The following FLACC1 variants were observed in gnomAD, a reference collection of about 807,000 sequenced individuals.
The protein encoded by FLACC1 is flagellum-associated coiled-coil domain-containing protein 1.
A neutral mutation model predicts 62.8 loss-of-function variants in FLACC1; 66 were observed. That is an observed-to-expected ratio of 1.05 (90% CI 0.86 to 1.29). The LOEUF is 1.29. FLACC1 is among the 50% of genes most tolerant of loss of function. FLACC1 has a pLI of 0.00. For synonymous variants in FLACC1, 156 were observed against 161.0 expected (o/e 0.97, Z 0.24); for missense variants, 452 against 489.1 (o/e 0.92, Z 0.71).
chr2:201,358,561 C>T (rs980146758), upstream of FLACC1, among the ~76,000 whole-genome samples: 5 of 150,740 alleles, frequency 3.3e-5, no homozygotes, highest in Non-Finnish European at 4.5e-5. Context: ...GGACTACAGG[C>T]GCCCGCCACT....
chr2:201,307,836 T>C (rs1049532507), intron 10 of FLACC1, among the ~76,000 whole-genome samples: 1 of 152,262 alleles, frequency 6.6e-6, no homozygotes, highest in African/African-American at 2.4e-5. Context: ...ATATGGGATT[T>C]ACCACCAACA....
intron 12 of FLACC1, among the ~76,000 whole-genome samples, chr2:201,298,090 G>A (rs1016013069): frequency 6.6e-6 from 1 of 152,130 alleles, no homozygotes; most frequent in Admixed American, 6.5e-5. Flanking sequence ...ACATCAGCAA[G>A]GAGCAGGTGG....
chr2:201,290,597 C>A (rs538528936), intron 12 of FLACC1, among the ~76,000 whole-genome samples: 1 of 152,150 alleles, frequency 6.6e-6, no homozygotes, highest in African/African-American at 2.4e-5. Context: ...CAGCTCCCAG[C>A]GTGAGCGATG....
intron 12 of FLACC1, among the ~76,000 whole-genome samples, chr2:201,291,164 G>A (rs1241341939): frequency 6.6e-6 from 1 of 152,226 alleles, no homozygotes; most frequent in Non-Finnish European, 1.5e-5. Flanking sequence ...CTGTCTGACA[G>A]CTTGAAGAGA....
the FLACC1 span, among the ~76,000 whole-genome samples, chr2:201,364,278 GA>G: frequency 6.6e-6 from 1 of 151,048 alleles, no homozygotes; most frequent in African/African-American, 2.4e-5. Flanking sequence ...GAAAGGGAAA[GA>G]AAAAAAACCC....
rs1268247242 is a variant in FLACC1 at position 201,346,158 on chromosome 2, CT to C, written c.368+383del. Among the ~76,000 whole-genome samples the C allele has an allele frequency of 2.0e-5, 3 of 151,844 alleles. No homozygotes were observed. In the East Asian group the frequency reaches 5.8e-4, roughly 29 times the overall value. On this transcript the variant is annotated intron_variant, in intron 5 of 14. Coordinates refer to ENST00000392257, the MANE Select transcript of FLACC1 (RefSeq NM_001127391.3). The surrounding 1 kb of genome is among the most constrained non-coding windows in gnomAD (Gnocchi z 4.0). ...CCAGCCTGGGTGGCAGAGAGAGACT[CT>C]GTCTCAAAAAAAAAAGTGCACTCCA...
intron 5 of FLACC1, 50 bp from the exon 6 acceptor site, chr2:201,344,313 C>A: frequency 2.7e-6 from 4 of 1,473,724 alleles, no homozygotes; most frequent in Non-Finnish European, 3.8e-6. Flanking sequence ...CCATTCCATG[C>A]CATTCAGGCC....
chr2:201,310,288 T>C (rs1950193937), intron 9 of FLACC1, among the ~76,000 whole-genome samples: 1 of 152,204 alleles, frequency 6.6e-6, no homozygotes, highest in Admixed American at 6.5e-5. Context: ...AAATGAGTTT[T>C]AGACACAGGC....
chr2:201,360,821 T>C (rs1951180030), upstream of FLACC1, among the ~76,000 whole-genome samples: 1 of 152,210 alleles, frequency 6.6e-6, no homozygotes, highest in African/African-American at 2.4e-5. Context: ...CTCATGCCTG[T>C]AATTCCAGCA....
intron 7 of FLACC1, among the ~76,000 whole-genome samples, chr2:201,335,490 TG>T: frequency 6.6e-6 from 1 of 152,282 alleles, no homozygotes; most frequent in East Asian, 1.9e-4. Context: ...CAGTTGGCTA[TG>T]GGTGTATAAA....
intron 12 of FLACC1, among the ~76,000 whole-genome samples, chr2:201,290,392 G>T (rs912400495): frequency 2.6e-5 from 4 of 152,208 alleles, no homozygotes; most frequent in Admixed American, 6.5e-5. Flanking sequence ...AGGGTGGGGT[G>T]GGGTAGTATA....
At chr2:201,349,423 A>AT (rs1392721692) in intron 3 of FLACC1, among the ~76,000 whole-genome samples, 2 of 151,940 alleles carry the variant, frequency 1.3e-5, no homozygotes, top group African/African-American at 2.4e-5. Flanking sequence ...CTTTGCCTGC[A>AT]TCTTTTTTCT....
At chr2:201,330,899 T>C in intron 7 of FLACC1, 66 bp from the exon 8 acceptor site, 2 of 1,312,362 alleles carry the variant, frequency 1.5e-6, no homozygotes, top group Non-Finnish European at 2.1e-6. Flanking sequence ...GCTGTTACCC[T>C]GATCTGATCC....
At chr2:201,360,934 T>C (rs561081140), upstream of FLACC1, among the ~76,000 whole-genome samples, 472 of 152,110 alleles carry the variant, frequency 3.1e-3, no homozygotes, top group African/African-American at 0.011. Flanking sequence ...AAAAATTAGC[T>C]GGGTGTGGTG....
At chr2:201,292,818 T>C (rs555613282) in intron 12 of FLACC1, among the ~76,000 whole-genome samples, 40 of 152,146 alleles carry the variant, frequency 2.6e-4, no homozygotes, top group East Asian at 1.4e-3. Context: ...AATAAAGGGA[T>C]GGAGGAAGAT....
At chr2:201,300,151 G>C (rs1949947709) in intron 11 of FLACC1, among the ~76,000 whole-genome samples, 1 of 152,126 alleles carries the variant, frequency 6.6e-6, no homozygotes, top group Non-Finnish European at 1.5e-5. Context: ...AAGCGCGAGG[G>C]GTCAGATAAT....
At chr2:201,341,528 T>C (rs1354054212) in intron 7 of FLACC1, among the ~76,000 whole-genome samples, 2 of 150,514 alleles carry the variant, frequency 1.3e-5, no homozygotes, top group South Asian at 2.1e-4. Flanking sequence ...GTAGAGTTTA[T>C]ATGTATGTAT....
At chr2:201,302,235 G>A (rs1475815381) in intron 11 of FLACC1, among the ~76,000 whole-genome samples, 1 of 152,044 alleles carries the variant, frequency 6.6e-6, no homozygotes, top group Admixed American at 6.5e-5. Context: ...GATGGAGTAA[G>A]ATCTAACAAA....
intron 7 of FLACC1, among the ~76,000 whole-genome samples, chr2:201,331,073 A>T (rs971386188): frequency 6.6e-6 from 1 of 150,660 alleles, no homozygotes; most frequent in Non-Finnish European, 1.5e-5. Context: ...GGCTCAAGTG[A>T]TCTTCCCACC....
Sources: gnomAD v4.1 joint callset for allele counts (sites outside exome capture counted in the v4.1 genomes callset) on GRCh38, gnomAD v4.1.1 for gene constraint, Gnocchi (gnomAD v3.1) non-coding constraint, MANE v1.5 for transcripts, NCBI Gene and HGNC (gene_info 2026-07-23, HGNC 2026-07-21) for gene names.